WWOX: variants seen among roughly 807,000 people sequenced by gnomAD.
The protein encoded by WWOX is WW domain-containing oxidoreductase.
WWOX carries 69 observed loss-of-function variants against 46.2 expected under a neutral mutation model. That is an observed-to-expected ratio of 1.49 (90% CI 1.23 to 1.82). The LOEUF (loss-of-function observed/expected upper bound fraction) is 1.82. WWOX is among the 40% of genes most tolerant of loss of function. The probability of loss-of-function intolerance (pLI) is 0.00; values close to 1 mark genes in which losing one functional copy is unlikely to be tolerated. For synonymous variants in WWOX, 359 were observed against 202.6 expected (o/e 1.77, Z -6.56); for missense variants, 919 against 542.6 (o/e 1.69, Z -6.89).
At chr16:78,473,097 T>A (rs2084266967) in intron 8 of WWOX, among the ~76,000 whole-genome samples, 1 of 152,098 alleles carries the variant, frequency 6.6e-6, no homozygotes, top group African/African-American at 2.4e-5. Flanking sequence ...TTAAGTAAAG[T>A]TTTATAGGAA....
chr16:79,049,647 C>G (rs1365708526), intron 8 of WWOX, among the ~76,000 whole-genome samples: 1 of 152,046 alleles, frequency 6.6e-6, no homozygotes, highest in Non-Finnish European at 1.5e-5. Flanking sequence ...ACCAGCCTGG[C>G]CATGATGGCG....
chr16:78,795,099 G>T lies in WWOX; in HGVS notation c.1056+362347G>T, dbSNP rs115508875. Among the ~76,000 whole-genome samples, 285 of 152,322 alleles carry T rather than the reference G, an allele frequency of 1.9e-3. 1 individual carries two copies. The highest frequency in any genetic ancestry group is 6.6e-3 in the African/African-American group (274 of 41,572). On this transcript the variant is annotated intron_variant, in intron 8 of 8. Transcript: ENST00000566780. ...AGCATATCCTGTTTTCGAGGGTGGT[G>T]TTGGTGGTGGAGGAGGTGATGGTGA...
At chr16:78,884,925 T>G (rs1243377803) in intron 8 of WWOX, among the ~76,000 whole-genome samples, 1 of 152,228 alleles carries the variant, frequency 6.6e-6, no homozygotes, top group Non-Finnish European at 1.5e-5. Context: ...ATTCTTCTGC[T>G]TTTCCCATCA....
intron 8 of WWOX, among the ~76,000 whole-genome samples, chr16:79,200,406 G>A (rs928111463): frequency 2.0e-5 from 3 of 152,136 alleles, no homozygotes; most frequent in Admixed American, 1.3e-4. Context: ...AACATTACAC[G>A]TCAACAAGAA....
intron 8 of WWOX, among the ~76,000 whole-genome samples, chr16:79,128,345 A>T (rs2049803384): frequency 6.6e-6 from 1 of 152,140 alleles, no homozygotes; most frequent in South Asian, 2.1e-4. Flanking sequence ...GAGTTAAAAA[A>T]AAAATAGGTC....
intron 8 of WWOX, among the ~76,000 whole-genome samples, chr16:78,659,441 C>T (rs544653836): frequency 6.6e-6 from 1 of 152,260 alleles, no homozygotes; most frequent in African/African-American, 2.4e-5. Flanking sequence ...ACTTCCTGAA[C>T]CAGAAACTCT....
chr16:78,669,086 T>G (rs552129318), intron 8 of WWOX, among the ~76,000 whole-genome samples: 2 of 152,300 alleles, frequency 1.3e-5, no homozygotes, highest in African/African-American at 4.8e-5. Flanking sequence ...CAACTGGAGC[T>G]AAGCAGATGG....
chr16:78,944,971 G>A (rs900266780), intron 8 of WWOX, among the ~76,000 whole-genome samples: 6 of 152,154 alleles, frequency 3.9e-5, no homozygotes, highest in Non-Finnish European at 8.8e-5. Context: ...TTGAGATCAG[G>A]AGTTCAAGAC....
chr16:78,723,578 T>TC (rs2048746437), intron 8 of WWOX, among the ~76,000 whole-genome samples: 17 of 49,564 alleles, frequency 3.4e-4, no homozygotes, highest in African/African-American at 1.4e-3. Flanking sequence ...TTTTCTTTTC[T>TC]TTTCTTTTCT....
At chr16:78,905,902 A>T (rs1190729677) in intron 8 of WWOX, among the ~76,000 whole-genome samples, 2 of 152,228 alleles carry the variant, frequency 1.3e-5, no homozygotes, top group Non-Finnish European at 2.9e-5. Context: ...CGGAGCACCC[A>T]GCCATCCTTG....
intron 5 of WWOX, among the ~76,000 whole-genome samples, chr16:78,226,977 A>G (rs1392057953): frequency 6.6e-6 from 1 of 152,168 alleles, no homozygotes; most frequent in Non-Finnish European, 1.5e-5. Context: ...AAAAATAAGC[A>G]AAAAAACAAG....
intron 8 of WWOX, among the ~76,000 whole-genome samples, chr16:78,452,217 G>A (rs970215425): frequency 1.3e-5 from 2 of 152,100 alleles, no homozygotes; most frequent in South Asian, 2.1e-4. Flanking sequence ...TGGATTGTCC[G>A]CACTCATAAA....
chr16:78,935,612 G>C (rs954015547), intron 8 of WWOX, among the ~76,000 whole-genome samples: 1 of 143,152 alleles, frequency 7.0e-6, no homozygotes, highest in Non-Finnish European at 1.5e-5. Flanking sequence ...GTCGTGGGCT[G>C]GGGGGAGGGG....
intron 8 of WWOX, among the ~76,000 whole-genome samples, chr16:78,884,087 G>T (rs893418945): frequency 6.6e-6 from 1 of 151,798 alleles, no homozygotes. Flanking sequence ...AAGACCAGCT[G>T]GGCCAACATG....
intron 8 of WWOX, among the ~76,000 whole-genome samples, chr16:79,060,179 C>A (rs2048333876): frequency 6.6e-6 from 1 of 152,132 alleles, no homozygotes; most frequent in African/African-American, 2.4e-5. Context: ...ACATAAAAAC[C>A]CACCAAGCCT....
chr16:78,602,687 G>A (rs2045649918), intron 8 of WWOX, among the ~76,000 whole-genome samples: 1 of 152,152 alleles, frequency 6.6e-6, no homozygotes, highest in Non-Finnish European at 1.5e-5. Flanking sequence ...GTCATGACAG[G>A]AATAGTGAAA....
At chr16:78,296,405 G>C (rs1263820343) in intron 5 of WWOX, among the ~76,000 whole-genome samples, 1 of 151,848 alleles carries the variant, frequency 6.6e-6, no homozygotes, top group Admixed American at 6.6e-5. Context: ...ATTTCAGGAA[G>C]GGCTCAAAGG....
intron 8 of WWOX, among the ~76,000 whole-genome samples, chr16:78,819,239 C>A (rs188486418): frequency 5.8e-4 from 88 of 152,228 alleles, no homozygotes; most frequent in Non-Finnish European, 1.1e-3. Context: ...CTTCAGTGAC[C>A]CCCAGTGAGG....
chr16:78,884,490 C>A (rs189546880), intron 8 of WWOX, among the ~76,000 whole-genome samples: 1 of 151,964 alleles, frequency 6.6e-6, no homozygotes, highest in South Asian at 2.1e-4. Flanking sequence ...TAAATCCACA[C>A]AAGAGGAGAC....
Sources: allele counts gnomAD v4.1 joint callset (sites outside exome capture counted in the v4.1 genomes callset), GRCh38; gene constraint gnomAD v4.1.1; transcripts MANE v1.5; gene names NCBI Gene and HGNC (gene_info 2026-07-23, HGNC 2026-07-21).